The following SLC22A16 variants were observed in gnomAD, a reference collection of about 807,000 sequenced individuals.
SLC22A16 encodes the protein solute carrier family 22 member 16, also known as WUGSC:RG331P03.1.
A neutral mutation model predicts 52.9 loss-of-function variants in SLC22A16; 53 were observed. The observed-to-expected ratio is 1.00, with a 90% confidence interval of 0.80 to 1.26. SLC22A16 has a LOEUF of 1.26. Ranked by LOEUF, SLC22A16 falls within the 50% of genes most tolerant of loss-of-function variation. The pLI, the probability that SLC22A16 is intolerant of heterozygous loss-of-function variation, is 0.00. For synonymous variants in SLC22A16, 291 were observed against 268.8 expected (o/e 1.08, Z -0.81); for missense variants, 726 against 704.0 (o/e 1.03, Z -0.35).
intron 1 of SLC22A16, among the ~76,000 whole-genome samples, chr6:110,468,684 G>GAAGAAGAAGAAA (rs565070439): frequency 6.6e-6 from 1 of 150,598 alleles, no homozygotes; most frequent in African/African-American, 2.5e-5. Flanking sequence ...AGAAGAAGAA[G>GAAGAAGAAGAAA]AAGAAAAAGA....
At chr6:110,448,403 T>G (rs1450735159) in intron 2 of SLC22A16, among the ~76,000 whole-genome samples, 1 of 152,222 alleles carries the variant, frequency 6.6e-6, no homozygotes, top group Non-Finnish European at 1.5e-5. Context: ...ACTAGACCCT[T>G]ATCAGATATA....
intron 3 of SLC22A16, among the ~76,000 whole-genome samples, chr6:110,442,984 A>G (rs1255611958): frequency 6.6e-6 from 1 of 152,094 alleles, no homozygotes; most frequent in Non-Finnish European, 1.5e-5. Context: ...CCCCACCCCA[A>G]ATGGCAAAAC....
chr6:110,451,909 C>T (rs978119586), intron 2 of SLC22A16, among the ~76,000 whole-genome samples: 3 of 152,134 alleles, frequency 2.0e-5, no homozygotes, highest in East Asian at 1.9e-4. Flanking sequence ...CACATATGCA[C>T]GTTTAGTCCT....
intron 1 of SLC22A16, chr6:110,474,880 C>G: frequency 1.9e-6 from 1 of 513,918 alleles, no homozygotes. Flanking sequence ...ATATAATTAC[C>G]TCAGCTAATC....
intron 3 of SLC22A16, among the ~76,000 whole-genome samples, chr6:110,445,951 T>TA (rs538614164): frequency 5.3e-5 from 8 of 152,210 alleles, no homozygotes; most frequent in Non-Finnish European, 8.8e-5. Context: ...GATTTATTTT[T>TA]ATGCATCTTC....
chr6:110,450,811 A>G (rs1297644045), intron 2 of SLC22A16, among the ~76,000 whole-genome samples: 1 of 152,152 alleles, frequency 6.6e-6, no homozygotes, highest in Non-Finnish European at 1.5e-5. Flanking sequence ...TCAAATGCCT[A>G]GAAATCACAA....
intron 6 of SLC22A16, among the ~76,000 whole-genome samples, chr6:110,434,833 C>G (rs1774658006): frequency 6.6e-6 from 1 of 152,102 alleles, no homozygotes; most frequent in Non-Finnish European, 1.5e-5. Flanking sequence ...CAAAAATTAG[C>G]CGGGTGTAGT....
chr6:110,427,445 G>A (rs886986781), intron 7 of SLC22A16, among the ~76,000 whole-genome samples: 2 of 152,110 alleles, frequency 1.3e-5, no homozygotes, highest in Non-Finnish European at 2.9e-5. Flanking sequence ...TGTCGCAAAC[G>A]ACTGTTGAGA....
At chr6:110,449,946 T>C (rs1775310037) in intron 2 of SLC22A16, among the ~76,000 whole-genome samples, 2 of 152,120 alleles carry the variant, frequency 1.3e-5, no homozygotes, top group Admixed American at 1.3e-4. Flanking sequence ...TCTGCCACAC[T>C]GACTTTCCCA....
At chr6:110,453,106 T>C (rs1394482651) in intron 2 of SLC22A16, among the ~76,000 whole-genome samples, 4 of 152,238 alleles carry the variant, frequency 2.6e-5, no homozygotes, top group Non-Finnish European at 5.9e-5. Context: ...TATTTCACTT[T>C]GTATTTCTAG....
intron 1 of SLC22A16, among the ~76,000 whole-genome samples, 165 bp from the exon 2 acceptor site, chr6:110,457,182 A>G (rs1315600603): frequency 2.6e-5 from 4 of 152,230 alleles, no homozygotes; most frequent in South Asian, 4.1e-4. Context: ...ATATATACAT[A>G]TATTACTTAG....
chr6:110,456,744 T>G lies in SLC22A16; in HGVS notation c.327A>C (p.Thr109=). The G allele has an allele frequency of 6.2e-7, 1 of 1,614,188 alleles. No homozygotes were observed. Among genetic ancestry groups the G allele is most frequent in the Non-Finnish European group, 8.5e-7 (1 of 1,180,038 alleles). Residue 109 remains threonine, a synonymous_variant, in exon 2 of 8, where the codon ACA becomes ACC. Transcript: ENST00000368919. ...CAGTGTATTCATAGCCCAAACTCGATGTGTTCTCCCTCTTATTCCTGCTAC... is the reference window on the plus strand; with the variant it reads ...CAGTGTATTCATAGCCCAAACTCGAGGTGTTCTCCCTCTTATTCCTGCTAC... ...SRCSRNKREN[T]SSLGYEYTGS...
At chr6:110,470,364 T>G (rs762435998) in intron 1 of SLC22A16, among the ~76,000 whole-genome samples, 11 of 152,204 alleles carry the variant, frequency 7.2e-5, no homozygotes, top group Admixed American at 3.3e-4. Context: ...GCAGGCATGT[T>G]TAACTTGCCT....
rs569577403 is a variant in SLC22A16 at position 110,438,982 on chromosome 6, A to G, written c.1184-135T>C. 15 of 1,125,686 alleles carry G rather than the reference A, an allele frequency of 1.3e-5. No individual in the cohort carries two copies. In the Admixed American group the frequency reaches 2.7e-4, roughly 20 times the overall value. The allele number at this position is 1,125,686 out of a possible 1,614,324, so 69.7% of individuals were successfully genotyped here. On this transcript the variant is annotated intron_variant, in intron 4 of 7. Transcript: ENST00000368919. ...TGGGGCCTTTAGAAACTCTCTAAGAATTGCTGCGAGGCAGCCAGCCCCGCC... is the reference window on the plus strand; with the variant it reads ...TGGGGCCTTTAGAAACTCTCTAAGAGTTGCTGCGAGGCAGCCAGCCCCGCC...
intron 2 of SLC22A16, chr6:110,453,537 A>G (rs1775464086): frequency 2.3e-6 from 1 of 439,322 alleles, no homozygotes; most frequent in Non-Finnish European, 4.5e-6. Flanking sequence ...CTTCGTTAGC[A>G]AGCAGTAGGG....
intron 5 of SLC22A16, among the ~76,000 whole-genome samples, chr6:110,436,223 T>C (rs927664829): frequency 1.3e-5 from 2 of 152,152 alleles, no homozygotes; most frequent in Non-Finnish European, 2.9e-5. Flanking sequence ...CGAAAGCCAG[T>C]TGGGAAGACT....
At chr6:110,473,551 A>G (rs1281266126) in intron 1 of SLC22A16, among the ~76,000 whole-genome samples, 1 of 95,318 alleles carries the variant, frequency 1.0e-5, no homozygotes, top group Non-Finnish European at 1.8e-5. Flanking sequence ...TTGAGACGGA[A>G]TCTCGTTCTG....
intron 6 of SLC22A16, among the ~76,000 whole-genome samples, chr6:110,434,911 G>T (rs990235464): frequency 4.6e-5 from 7 of 152,008 alleles, no homozygotes; most frequent in Admixed American, 3.9e-4. Context: ...CCAGGAGGCG[G>T]AGCTTGCAGT....
At chr6:110,455,287 T>C (rs1775604686) in intron 2 of SLC22A16, 1 of 151,648 alleles carries the variant, frequency 6.6e-6, no homozygotes, top group Non-Finnish European at 1.5e-5. Flanking sequence ...GTTTCAAGAG[T>C]CAAGCAGTGA....
Sources: allele counts gnomAD v4.1 joint callset (sites outside exome capture counted in the v4.1 genomes callset), GRCh38; gene constraint gnomAD v4.1.1; transcripts MANE v1.5; gene names NCBI Gene and HGNC (gene_info 2026-07-23, HGNC 2026-07-21).